The following CCDC178 variants were observed in gnomAD, a reference collection of about 807,000 sequenced individuals.
CCDC178 encodes the protein coiled-coil domain-containing protein 178.
CCDC178 carries 126 observed loss-of-function variants against 117.4 expected under a neutral mutation model. That is an observed-to-expected ratio of 1.07 (90% CI 0.93 to 1.24). The LOEUF (loss-of-function observed/expected upper bound fraction) is 1.24, where lower values mean the gene tolerates loss of function less well. CCDC178 is among the 50% of genes most tolerant of loss of function. The pLI, the probability that CCDC178 is intolerant of heterozygous loss-of-function variation, is 0.00. For synonymous variants in CCDC178, 283 were observed against 313.4 expected (o/e 0.90, Z 1.02); for missense variants, 1,030 against 986.9 (o/e 1.04, Z -0.59).
chr18:33,357,291 T>C (rs1398242460), intron 6 of CCDC178, among the ~76,000 whole-genome samples: 1 of 152,126 alleles, frequency 6.6e-6, no homozygotes, highest in Non-Finnish European at 1.5e-5. Context: ...CTTGGCAAAA[T>C]AAACCTCTAA....
chr18:33,297,695 C>A (rs1295265030), intron 11 of CCDC178, among the ~76,000 whole-genome samples: 4 of 152,078 alleles, frequency 2.6e-5, no homozygotes, highest in East Asian at 1.9e-4. Flanking sequence ...GTCTTCCCCC[C>A]AAAAAATCCA....
At chr18:33,292,698 A>G (rs777448977) in intron 12 of CCDC178, among the ~76,000 whole-genome samples, 1 of 152,116 alleles carries the variant, frequency 6.6e-6, no homozygotes, top group Non-Finnish European at 1.5e-5. Context: ...ATGTACAATT[A>G]TTATGTGTCA....
In CCDC178 at chr18:33,092,901, C is replaced by G. The variant is rs2057489483; in HGVS notation, c.2248G>C (p.Ala750Pro). 2 of 1,542,360 alleles carry G rather than the reference C, an allele frequency of 1.3e-6. No homozygotes were observed. Among genetic ancestry groups the G allele is most frequent in the African/African-American group, 2.8e-5 (2 of 71,338 alleles). ...KTLQDTQKIIADSLEENLRLA... is the reference protein window; with the variant it reads ...KTLQDTQKIIPDSLEENLRLA... ...CGCAGATTTTCTTCAAGTGAATCAG[C>G]TATTATTTTCTAGAAGGTAAAAAAA... The change falls in exon 21 of 23, where the codon GCT (alanine) becomes CCT (proline). Residue 750 changes from alanine to proline, a missense_variant. Physicochemically the swap from Ala to Pro is conservative, Grantham distance 27. Coordinates refer to ENST00000383096, the MANE Select transcript of CCDC178 (RefSeq NM_001105528.4).
At chr18:33,418,097 G>A (rs2063971112) in intron 2 of CCDC178, among the ~76,000 whole-genome samples, 4 of 152,016 alleles carry the variant, frequency 2.6e-5, no homozygotes, top group African/African-American at 9.7e-5. Context: ...AATTCTCAAC[G>A]AAATACTAGC....
intron 9 of CCDC178, among the ~76,000 whole-genome samples, chr18:33,337,134 GC>G (rs1379375806): frequency 8.1e-6 from 1 of 123,902 alleles, no homozygotes; most frequent in African/African-American, 3.7e-5. Flanking sequence ...ATATTCCTAA[GC>G]TTTTTTTTTT....
At chr18:33,401,871 A>G (rs367577692) in intron 3 of CCDC178, among the ~76,000 whole-genome samples, 1 of 152,110 alleles carries the variant, frequency 6.6e-6, no homozygotes, top group Admixed American at 6.5e-5. Context: ...ATGAGAGAAG[A>G]TTAAATAATT....
chr18:33,191,816 C>CA (rs1312496083), intron 20 of CCDC178, among the ~76,000 whole-genome samples: 2 of 151,600 alleles, frequency 1.3e-5, no homozygotes, highest in Non-Finnish European at 2.9e-5. Context: ...ATGGTCAGGA[C>CA]AAAAAATATA....
intron 21 of CCDC178, among the ~76,000 whole-genome samples, chr18:33,022,182 A>G (rs888190316): frequency 7.9e-5 from 12 of 152,228 alleles, no homozygotes; most frequent in African/African-American, 2.9e-4. Context: ...TTGCTCTCAA[A>G]TCTTTTCCCA....
At chr18:33,200,223 G>A (rs1444614160) in intron 20 of CCDC178, among the ~76,000 whole-genome samples, 1 of 152,096 alleles carries the variant, frequency 6.6e-6, no homozygotes, top group South Asian at 2.1e-4. Flanking sequence ...TCACTTCATT[G>A]CACTGGGGTA....
At chr18:33,224,993 C>G in intron 16 of CCDC178, 57 bp from the exon 17 acceptor site, 2 of 1,277,370 alleles carry the variant, frequency 1.6e-6, no homozygotes, top group Non-Finnish European at 2.1e-6. Flanking sequence ...ATTTATTGAG[C>G]CTCTTATTCA....
intron 14 of CCDC178, 145 bp downstream of exon 14, chr18:33,266,771 G>C (rs2059821208): frequency 1.2e-6 from 1 of 832,850 alleles, no homozygotes; most frequent in Admixed American, 3.6e-5. Context: ...GTGACTAAAG[G>C]CAACATTTTG....
chr18:33,054,003 C>T (rs2056787080), intron 21 of CCDC178, among the ~76,000 whole-genome samples: 1 of 151,968 alleles, frequency 6.6e-6, no homozygotes, highest in Non-Finnish European at 1.5e-5. Context: ...AAACTTAAAA[C>T]ATCATACCAG....
At chr18:33,241,509 T>C (rs1321283882) in intron 15 of CCDC178, among the ~76,000 whole-genome samples, 1 of 150,678 alleles carries the variant, frequency 6.6e-6, no homozygotes, top group African/African-American at 2.4e-5. Flanking sequence ...AACTGATAAA[T>C]TCCTTAAAGT....
intron 2 of CCDC178, among the ~76,000 whole-genome samples, chr18:33,415,652 A>T (rs190203353): frequency 2.2e-4 from 33 of 152,300 alleles, no homozygotes; most frequent in African/African-American, 7.5e-4. Context: ...CATATGTAAC[A>T]AACCTGCACG....
chr18:33,033,648 G>A (rs1028701718), intron 21 of CCDC178, among the ~76,000 whole-genome samples: 2 of 152,060 alleles, frequency 1.3e-5, no homozygotes, highest in African/African-American at 4.8e-5. Context: ...CTTTCTAGCA[G>A]TCAACCCGAC....
At chr18:33,421,159 C>A (rs763462490) in intron 2 of CCDC178, among the ~76,000 whole-genome samples, 2 of 152,094 alleles carry the variant, frequency 1.3e-5, no homozygotes, top group Non-Finnish European at 2.9e-5. Context: ...GACAAATATG[C>A]AAAGGTTCTA....
Position 33,238,999 on chromosome 18 carries a change from C to T in CCDC178, c.1593+6246G>A, listed in dbSNP as rs547767259. ...TTAAAAGGCTTAAAAAAAACCCCTGCCAGCCAAGAATATTCTATCCAGCAA... is the reference window on the plus strand; with the variant it reads ...TTAAAAGGCTTAAAAAAAACCCCTGTCAGCCAAGAATATTCTATCCAGCAA... On this transcript the variant is annotated intron_variant, in intron 15 of 22. Coordinates refer to ENST00000383096, the MANE Select transcript of CCDC178 (RefSeq NM_001105528.4). Among the ~76,000 whole-genome samples the T allele has an allele frequency of 8.5e-5, 13 of 152,096 alleles. No homozygotes were observed. The East Asian group carries it at 2.5e-3, about 29-fold the overall frequency.
chr18:33,394,983 ATATATG>A (rs1371708504), intron 4 of CCDC178, among the ~76,000 whole-genome samples: 15 of 127,924 alleles, frequency 1.2e-4, no homozygotes, highest in South Asian at 7.8e-4. Context: ...ATATATATAT[ATATATG>A]TATACATATA....
intron 3 of CCDC178, among the ~76,000 whole-genome samples, chr18:33,400,779 T>C (rs1364026375): frequency 6.6e-6 from 1 of 152,236 alleles, no homozygotes; most frequent in Non-Finnish European, 1.5e-5. Context: ...GCACGTTTAA[T>C]TCCCTTCAAG....
Sources: allele counts gnomAD v4.1 joint callset (sites outside exome capture counted in the v4.1 genomes callset), GRCh38; gene constraint gnomAD v4.1.1; transcripts MANE v1.5; gene names NCBI Gene and HGNC (gene_info 2026-07-23, HGNC 2026-07-21).